The following LMO7 variants were observed in gnomAD, a reference collection of about 807,000 sequenced individuals.
The protein encoded by LMO7 is LIM domain 7.
LMO7 carries 120 observed loss-of-function variants against 206.5 expected under a neutral mutation model. The observed-to-expected ratio is 0.58, with a 90% CI of 0.50 to 0.68. The LOEUF is 0.68. Ranked by LOEUF, LMO7 falls within the 30% of genes least tolerant of loss-of-function variation. LMO7 has a pLI of 0.00. For synonymous variants in LMO7, 706 were observed against 681.5 expected (o/e 1.04, Z -0.56); for missense variants, 1,959 against 1,957.9 (o/e 1.00, Z -0.01).
rs892416404 is a variant in LMO7 at position 75,808,263 on chromosome 13, C to T, written c.1916+64C>T. On this transcript the variant is annotated intron_variant, in intron 10 of 30. Transcript: ENST00000377534. ...ATGGTCTTGTGTAACTTTTCTCATGCGAGAAAGCAGCTCATCGTGTTGCTC... is the reference window on the plus strand; with the variant it reads ...ATGGTCTTGTGTAACTTTTCTCATGTGAGAAAGCAGCTCATCGTGTTGCTC... The T allele has an allele frequency of 2.2e-5, 32 of 1,475,214 alleles. No individual in the cohort carries two copies. In the East Asian group the frequency reaches 3.8e-4, roughly 18 times the overall value. 91.4% of individuals were successfully genotyped at this position (1,475,214 alleles called of 1,614,324 possible).
intron 2 of LMO7, among the ~76,000 whole-genome samples, chr13:75,626,593 A>ATATATATATATATATATATATATATAT (rs1566249204): frequency 1.1e-4 from 7 of 64,726 alleles, no homozygotes; most frequent in African/African-American, 2.6e-4. Flanking sequence ...ATATATATAT[A>ATATATATATATATATATATATATATAT]AATTTTTTTG....
rs752532520 is a variant in LMO7, at chr13:75,800,770, T to C, written c.549T>C (p.Leu183=). 3.7e-6 allele frequency: 6 copies of C among 1,614,182 alleles called. No individual in the cohort carries two copies. Among genetic ancestry groups the C allele is most frequent in the Admixed American group, 1.7e-5 (1 of 60,024 alleles). ...GGTGTCCTGAACGTGGAGAATTTCTTGCTCCTCCAAGGCACCATAAGAGAG... is the reference window on the plus strand; with the variant it reads ...GGTGTCCTGAACGTGGAGAATTTCTCGCTCCTCCAAGGCACCATAAGAGAG... ...DIWCPERGEF[L]APPRHHKRED... is the part of the protein sequence containing the mutation. The change falls in exon 7 of 31, where the codon CTT becomes CTC. Residue 183 remains leucine, a synonymous_variant. Transcript: ENST00000377534.
At position 75,766,932 on chromosome 13, in the gene LMO7, C is replaced by T. The variant is rs75339510; in HGVS notation, c.317+5894C>T. Among the ~76,000 whole-genome samples, 708 of 152,176 alleles carry T rather than the reference C, an allele frequency of 4.7e-3. 4 individuals are homozygous for T. Among genetic ancestry groups the T allele is most frequent in the African/African-American group, 0.015 (627 of 41,538 alleles). On this transcript the variant is annotated intron_variant, in intron 4 of 30. Transcript: ENST00000377534. Reference sequence around the variant, plus strand: ...CTGTCTTAATCTTTGCCAACTCATCCTCTTTTTATTCTCATTATAAAAATG... The same window carrying T: ...CTGTCTTAATCTTTGCCAACTCATCTTCTTTTTATTCTCATTATAAAAATG...
chr13:75,697,875 T>A (rs1324058301), intron 1 of LMO7, among the ~76,000 whole-genome samples: 3 of 152,214 alleles, frequency 2.0e-5, no homozygotes, highest in Non-Finnish European at 4.4e-5. Context: ...TTGAGATCGC[T>A]TAAGGCCCTA....
chr13:75,634,542 C>T (rs564937200), upstream of LMO7, among the ~76,000 whole-genome samples: 29 of 152,108 alleles, frequency 1.9e-4, no homozygotes, highest in Non-Finnish European at 3.2e-4. Context: ...ACATCGAGAC[C>T]ATCCTGGCTA....
intron 2 of LMO7, among the ~76,000 whole-genome samples, chr13:75,724,692 G>A (rs1046580345): frequency 5.9e-5 from 9 of 152,104 alleles, no homozygotes; most frequent in African/African-American, 2.2e-4. Flanking sequence ...CTCCTTAGAA[G>A]AACTATTCTA....
intron 15 of LMO7, among the ~76,000 whole-genome samples, chr13:75,831,249 C>A (rs1054053319): frequency 6.6e-6 from 1 of 152,182 alleles, no homozygotes; most frequent in Non-Finnish European, 1.5e-5. Context: ...CCCATACCCA[C>A]TGAGATATAA....
chr13:75,796,619 ATTTT>A lies in LMO7; in HGVS notation c.349-7_349-4del. The A allele has an allele frequency of 2.3e-6, 3 of 1,300,440 alleles. No homozygotes were observed. The highest frequency in any genetic ancestry group is 3.2e-6 in the Non-Finnish European group (3 of 929,232). 80.6% of individuals were successfully genotyped at this position (1,300,440 alleles called of 1,614,324 possible). A position where few individuals can be genotyped will look rare whatever the true frequency, so the allele number is the denominator to read the frequency against. ...AATCGACTGATCTTGTTGTTCATGG[ATTTT>A]TTTTTTTTTAAGGTTTTGATAACAT... On this transcript the variant is annotated splice_polypyrimidine_tract_variant and intron_variant, in intron 5 of 30. Transcript: ENST00000377534.
At chr13:75,700,607 G>A (rs954698304) in intron 1 of LMO7, among the ~76,000 whole-genome samples, 2 of 152,202 alleles carry the variant, frequency 1.3e-5, no homozygotes, top group Non-Finnish European at 2.9e-5. Flanking sequence ...TTTTGGAATT[G>A]CCAGCATCAC....
rs2047649577 is a variant in LMO7, at chr13:75,755,868, G to T, written c.211-5064G>T. 3.3e-5 allele frequency among the ~76,000 whole-genome samples: 5 copies of T among 152,308 alleles called. No individual in the cohort carries two copies. The South Asian group carries it at 1.0e-3, about 32-fold the overall frequency. Reference sequence around the variant, plus strand: ...CTTCTAGTGAGGTGACCTACAGAGTGTTGAAGTGATGCCTCGATTCTTCTT... The same window carrying T: ...CTTCTAGTGAGGTGACCTACAGAGTTTTGAAGTGATGCCTCGATTCTTCTT... On this transcript the variant is annotated intron_variant, in intron 3 of 30. Transcript: ENST00000377534.
intron 30 of LMO7, 99 bp from the exon 31 acceptor site, chr13:75,857,822 T>C: frequency 1.4e-6 from 1 of 712,074 alleles, no homozygotes; most frequent in East Asian, 2.8e-5. Context: ...TCTACCTCAT[T>C]GGGCCACTTT....
chr13:75,744,370 A>C (rs2046661496), intron 3 of LMO7, among the ~76,000 whole-genome samples: 1 of 152,236 alleles, frequency 6.6e-6, no homozygotes, highest in Non-Finnish European at 1.5e-5. Context: ...CCTGTTTTTA[A>C]ATCTAAGATG....
chr13:75,807,660 G>A lies in LMO7; in HGVS notation c.1377G>A (p.Glu459=), dbSNP rs2055723480. ...LEMAALDPDL[E]NDDFFVRKTG... is the part of the protein sequence containing the mutation. ...TGGCAGCCCTGGATCCTGACTTAGAGAATGATGATTTCTTTGTCAGAAAGA... is the reference window on the plus strand; with the variant it reads ...TGGCAGCCCTGGATCCTGACTTAGAAAATGATGATTTCTTTGTCAGAAAGA... The change falls in exon 10 of 31, where the codon GAG becomes GAA. Residue 459 remains glutamate (E), a synonymous_variant. Transcript: ENST00000377534. The A allele has an allele frequency of 1.2e-6, 2 of 1,613,866 alleles. No homozygotes were observed. The highest frequency in any genetic ancestry group is 2.2e-5 in the East Asian group (1 of 44,890).
intron 3 of LMO7, among the ~76,000 whole-genome samples, chr13:75,737,433 A>G (rs1004050156): frequency 6.6e-6 from 1 of 151,702 alleles, no homozygotes; most frequent in Admixed American, 6.6e-5. Flanking sequence ...AGATAGGTAC[A>G]TGTTTTAGTT....
rs143753084 is a variant in LMO7 at position 75,702,774 on chromosome 13, T to C, written c.70-10408T>C. ...TCCTAGTGCTGTGCACCATGTCAGGTATGTATATAGCAGGTTGTCATTAAA... is the reference window on the plus strand; with the variant it reads ...TCCTAGTGCTGTGCACCATGTCAGGCATGTATATAGCAGGTTGTCATTAAA... On this transcript the variant is annotated intron_variant, in intron 1 of 30. Transcript: ENST00000377534. 9.8e-5 allele frequency among the ~76,000 whole-genome samples: 15 copies of C among 152,328 alleles called. No individual in the cohort carries two copies. In the East Asian group the frequency reaches 2.9e-3, roughly 29 times the overall value.
At position 75,804,333 on chromosome 13, in the gene LMO7, G is replaced by A. The variant is rs766053836; in HGVS notation, c.706G>A (p.Asp236Asn). 6.2e-7 allele frequency: 1 copy of A among 1,613,830 alleles called. No homozygotes were observed. Among genetic ancestry groups the A allele is most frequent in the South Asian group, 1.1e-5 (1 of 91,076 alleles). Residue 236 changes from aspartate to asparagine, a missense_variant, in exon 8 of 31, where the codon GAT (aspartate) becomes AAT (asparagine). By Grantham distance (23) the Asp-to-Asn change is conservative (BLOSUM62 1). Coordinates refer to ENST00000377534, the MANE Select transcript of LMO7 (RefSeq NM_001306080.2). The part of the protein sequence containing the change: ...TDSEFTFKMQ[D>N]YNKDDMSYRR... ...TTCGGAATTTACATTTAAGATGCAG[G>A]ATTATAATAAAGATGATATGTCGTA...
chr13:75,635,144 G>A (rs1458854147), upstream of LMO7, among the ~76,000 whole-genome samples: 1 of 152,134 alleles, frequency 6.6e-6, no homozygotes, highest in Non-Finnish European at 1.5e-5. Flanking sequence ...AAATACAGAC[G>A]CTAGGTTTTA....
At chr13:75,805,994 T>C (rs2055409478) in intron 9 of LMO7, 2 of 1,152,082 alleles carry the variant, frequency 1.7e-6, no homozygotes, top group Admixed American at 3.7e-5. Flanking sequence ...TTTTTAGTAG[T>C]TCTGTTTTTC....
rs1414116810 is a variant in LMO7 at position 75,807,593 on chromosome 13, A to G, written c.1310A>G (p.Asn437Ser). 2 of 1,613,882 alleles carry G rather than the reference A, an allele frequency of 1.2e-6. No homozygotes were observed. Among genetic ancestry groups the G allele is most frequent in the African/African-American group, 1.3e-5 (1 of 74,934 alleles). ...CCAAGGCTCATAACCCGCAGGAAGA[A>G]TCTCTCTTATGCACCAGGCTATAGA... Reference protein sequence around the residue: ...SGPRLITRRKNLSYAPGYRRD... With the variant: ...SGPRLITRRKSLSYAPGYRRD... The change falls in exon 10 of 31, where the codon AAT (asparagine) becomes AGT (serine). Residue 437 changes from asparagine to serine, a missense_variant. Coordinates refer to ENST00000377534, the MANE Select transcript of LMO7 (RefSeq NM_001306080.2).
Sources: gnomAD v4.1 joint callset for allele counts (sites outside exome capture counted in the v4.1 genomes callset) on GRCh38, gnomAD v4.1.1 for gene constraint, MANE v1.5 for transcripts, NCBI Gene and HGNC (gene_info 2026-07-23, HGNC 2026-07-21) for gene names.